The following CRISPLD2 variants were observed in gnomAD, a reference collection of about 807,000 sequenced individuals.
CRISPLD2 encodes the protein cysteine-rich secretory protein LCCL domain-containing 2.
In CRISPLD2, 47 loss-of-function variants were observed where a neutral mutation model predicts 71.1. The observed-to-expected ratio is 0.66, with a 90% confidence interval of 0.52 to 0.84. CRISPLD2 has a LOEUF of 0.84. Ranked by LOEUF, CRISPLD2 falls within the 40% of genes least tolerant of loss-of-function variation. CRISPLD2 has a pLI of 0.00. For missense variants in CRISPLD2, 830 were observed against 651.1 expected, an observed-to-expected ratio of 1.27 and a Z score of -2.99; for synonymous variants, 317 against 250.1, an observed-to-expected ratio of 1.27 and a Z score of -2.52.
chr16:84,905,594 T>G (rs1362328233), intron 14 of CRISPLD2, among the ~76,000 whole-genome samples: 2 of 152,048 alleles, frequency 1.3e-5, no homozygotes, highest in Non-Finnish European at 2.9e-5. Flanking sequence ...TTTCACCATG[T>G]TGGCCAGACT....
chr16:84,853,576 G>A (rs868505191), intron 5 of CRISPLD2, among the ~76,000 whole-genome samples: 3 of 152,198 alleles, frequency 2.0e-5, no homozygotes, highest in Non-Finnish European at 2.9e-5. Flanking sequence ...CTGGGGCCGC[G>A]GGAAGTTCTA....
chr16:84,871,950 C>A (rs1365355872), intron 8 of CRISPLD2, among the ~76,000 whole-genome samples: 3 of 150,140 alleles, frequency 2.0e-5, no homozygotes, highest in Non-Finnish European at 4.4e-5. Context: ...TCTGATTCAA[C>A]CAACCTCAAA....
intron 14 of CRISPLD2, among the ~76,000 whole-genome samples, chr16:84,891,579 G>T: frequency 6.6e-6 from 1 of 152,210 alleles, no homozygotes. Context: ...GGCCGGGCTG[G>T]AAAGAAATCC....
chr16:84,852,762 G>A (rs930967521), intron 5 of CRISPLD2, among the ~76,000 whole-genome samples: 3 of 152,072 alleles, frequency 2.0e-5, no homozygotes, highest in African/African-American at 4.8e-5. Flanking sequence ...GGTACTTCAC[G>A]GTGCTATTCA....
intron 6 of CRISPLD2, among the ~76,000 whole-genome samples, chr16:84,860,572 A>G (rs1917352285): frequency 6.6e-6 from 1 of 152,166 alleles, no homozygotes; most frequent in African/African-American, 2.4e-5. Context: ...CCCTCAGACA[A>G]AGGTGGAAAG....
intron 6 of CRISPLD2, among the ~76,000 whole-genome samples, chr16:84,856,327 G>A (rs1325145400): frequency 6.6e-6 from 1 of 152,146 alleles, no homozygotes; most frequent in African/African-American, 2.4e-5. Flanking sequence ...ATTTCATCTT[G>A]ATGATCCATG....
At chr16:84,843,566 C>A (rs1240158340) in intron 2 of CRISPLD2, among the ~76,000 whole-genome samples, 1 of 152,198 alleles carries the variant, frequency 6.6e-6, no homozygotes, top group Non-Finnish European at 1.5e-5. Context: ...GTTTATATTT[C>A]CTCACCTGCA....
intron 7 of CRISPLD2, among the ~76,000 whole-genome samples, chr16:84,867,569 C>G (rs908743440): frequency 6.6e-6 from 1 of 152,160 alleles, no homozygotes; most frequent in Non-Finnish European, 1.5e-5. Flanking sequence ...GCAGAGTTGC[C>G]TACAACTCTT....
rs1302595765 is a variant in CRISPLD2, at chr16:84,837,480, A to G, written c.-74-942A>G. On this transcript the variant is annotated intron_variant, in intron 1 of 14. Coordinates refer to ENST00000262424, the MANE Select transcript of CRISPLD2 (RefSeq NM_031476.4). The stretch of plus-strand genomic sequence containing the variant: ...CGCCCAGGCTAGTGTGCAGTGGCGC[A>G]ATCTCGGCTCACTGCAAGCTCCGCC... Among the ~76,000 whole-genome samples the G allele has an allele frequency of 2.0e-5, 3 of 149,384 alleles. No individual in the cohort carries two copies. In the South Asian group the frequency reaches 6.3e-4, roughly 31 times the overall value.
chr16:84,866,878 C>A lies in CRISPLD2; in HGVS notation c.710-19C>A. On this transcript the variant is annotated intron_variant, in intron 6 of 14. Transcript: ENST00000262424. ...GAATCCCAGTGTGTTATTTTTTTTC[C>A]TCCCTCTCCAATGTTAAGAAGAAAC... is the stretch of plus-strand genomic sequence containing the variant. 1.9e-6 allele frequency: 3 copies of A among 1,594,020 alleles called. No individual in the cohort carries two copies. Among genetic ancestry groups the A allele is most frequent in the Non-Finnish European group, 2.6e-6 (3 of 1,168,990 alleles).
intron 1 of CRISPLD2, among the ~76,000 whole-genome samples, chr16:84,838,197 A>G (rs1916673018): frequency 6.6e-6 from 1 of 152,196 alleles, no homozygotes; most frequent in Admixed American, 6.5e-5. Context: ...GTTCTAGGTT[A>G]TCCTCTTTGG....
At chr16:84,853,980 C>G (rs556721413) in intron 5 of CRISPLD2, among the ~76,000 whole-genome samples, 1 of 152,342 alleles carries the variant, frequency 6.6e-6, no homozygotes, top group African/African-American at 2.4e-5. Flanking sequence ...CTACCTGGCC[C>G]CTGGAGAAAG....
chr16:84,846,182 C>T (rs1227069801), intron 3 of CRISPLD2: 6 of 302,036 alleles, frequency 2.0e-5, no homozygotes, highest in Non-Finnish European at 3.1e-5. Context: ...TTCCTTCTTC[C>T]TTTCCTTCCT....
At position 84,872,491 on chromosome 16, in the gene CRISPLD2, A is replaced by T. The variant is rs1301086042; in HGVS notation, c.964A>T (p.Thr322Ser). The change falls in exon 9 of 15, where the codon ACT (threonine) becomes TCT (serine). Residue 322 changes from threonine (T) to serine (S), a missense_variant. By Grantham distance (58) the Thr-to-Ser change is moderately conservative. Transcript: ENST00000262424. ...CLNHKAKIFG[T>S]LFYESSSSIC... ...GAACCACAAGGCGAAGATCTTTGGA[A>T]CTCTGTTCTATGAAAGCGTGAGTGT... is the stretch of plus-strand genomic sequence containing the variant. The T allele has an allele frequency of 6.2e-7, 1 of 1,613,900 alleles. No homozygotes were observed. Among genetic ancestry groups the T allele is most frequent in the Non-Finnish European group, 8.5e-7 (1 of 1,179,872 alleles).
intron 12 of CRISPLD2, among the ~76,000 whole-genome samples, chr16:84,877,792 G>T (rs1445363958): frequency 6.6e-6 from 1 of 152,176 alleles, no homozygotes; most frequent in Non-Finnish European, 1.5e-5. Flanking sequence ...GGAGGTTGCA[G>T]TGAGCTGAGA....
chr16:84,877,188 G>C (rs1597473891), intron 11 of CRISPLD2, among the ~76,000 whole-genome samples: 1 of 152,324 alleles, frequency 6.6e-6, no homozygotes, highest in East Asian at 1.9e-4. Context: ...AGCACCATCA[G>C]CCCCACAGAG....
chr16:84,876,098 A>G (rs1373525760), intron 11 of CRISPLD2, among the ~76,000 whole-genome samples: 1 of 152,230 alleles, frequency 6.6e-6, no homozygotes, highest in East Asian at 1.9e-4. Flanking sequence ...AGTTACACCT[A>G]TTCCACATCA....
At chr16:84,900,823 G>C (rs1027943346) in intron 14 of CRISPLD2, among the ~76,000 whole-genome samples, 2 of 152,082 alleles carry the variant, frequency 1.3e-5, no homozygotes, top group Non-Finnish European at 2.9e-5. Flanking sequence ...AGGCTGAGAC[G>C]GAAGGATTGC....
rs1395562453 is a variant in CRISPLD2 at position 84,854,710 on chromosome 16, T to C, written c.609-19T>C. 1 of 1,600,096 alleles carries C rather than the reference T, an allele frequency of 6.2e-7. No individual in the cohort carries two copies. The highest frequency in any genetic ancestry group is 8.6e-7 in the Non-Finnish European group (1 of 1,167,440). ...ACGTCGTGGTTCCCTCTGACGGTTGTTTTTGGGTCTGTCCTCAGGGGGAAC... is the reference window on the plus strand; with the variant it reads ...ACGTCGTGGTTCCCTCTGACGGTTGCTTTTGGGTCTGTCCTCAGGGGGAAC... On this transcript the variant is annotated intron_variant, in intron 5 of 14. Coordinates refer to ENST00000262424, the MANE Select transcript of CRISPLD2 (RefSeq NM_031476.4).
Sources: allele counts gnomAD v4.1 joint callset (sites outside exome capture counted in the v4.1 genomes callset), GRCh38; gene constraint gnomAD v4.1.1; transcripts MANE v1.5; gene names NCBI Gene and HGNC (gene_info 2026-07-23, HGNC 2026-07-21).